Variants in LVRN observed in about 807,000 individuals in gnomAD.
LVRN encodes aminopeptidase Q.
LVRN carries 99 observed loss-of-function variants against 111.4 expected under a neutral mutation model. That is an observed-to-expected ratio of 0.89 (90% CI 0.76 to 1.05). The LOEUF is 1.05. Ranked by LOEUF, LVRN falls within the 50% of genes least tolerant of loss-of-function variation. LVRN has a pLI of 0.00. For missense variants in LVRN, 1,414 were observed against 1,206.8 expected (o/e 1.17, Z -2.54); for synonymous variants, 488 against 449.5 (o/e 1.09, Z -1.08).
intron 6 of LVRN, among the ~76,000 whole-genome samples, chr5:115,998,949 A>C (rs1432086812): frequency 6.6e-6 from 1 of 152,208 alleles, no homozygotes; most frequent in Non-Finnish European, 1.5e-5. Context: ...ACAGATTTTG[A>C]AAATCTGACG....
At chr5:115,985,051 A>T (rs917042299) in intron 3 of LVRN, among the ~76,000 whole-genome samples, 1 of 152,124 alleles carries the variant, frequency 6.6e-6, no homozygotes, top group Non-Finnish European at 1.5e-5. Flanking sequence ...TTAGTATGTG[A>T]TGTGTACTTA....
rs756610495 is a variant in LVRN at position 115,983,363 on chromosome 5, G to T, written c.772G>T (p.Ala258Ser). 6.2e-7 allele frequency: 1 copy of T among 1,611,726 alleles called. No individual in the cohort carries two copies. Among genetic ancestry groups the T allele is most frequent in the Non-Finnish European group, 8.5e-7 (1 of 1,179,240 alleles). ...TTGTTTTGATGAGCCAGCTCTGAAG[G>T]CAACTTTTAATATTACAATGATTCA... is the stretch of plus-strand genomic sequence containing the variant. ...FPCFDEPALK[A>S]TFNITMIHHP... The change falls in exon 2 of 20, where the codon GCA becomes TCA. Residue 258 changes from alanine to serine, a missense_variant. By Grantham distance (99) the Ala-to-Ser change is moderately conservative (BLOSUM62 1). Transcript: ENST00000357872.
At chr5:116,004,487 A>T (rs1387361040) in intron 12 of LVRN, among the ~76,000 whole-genome samples, 1 of 152,234 alleles carries the variant, frequency 6.6e-6, no homozygotes, top group Non-Finnish European at 1.5e-5. Context: ...TCTGAGGCAC[A>T]CAGCAATCTC....
chr5:115,986,154 A>G (rs551926877), intron 3 of LVRN, among the ~76,000 whole-genome samples: 1 of 152,358 alleles, frequency 6.6e-6, no homozygotes, highest in South Asian at 2.1e-4. Flanking sequence ...TTATCTTCCT[A>G]GGCTGTTGGC....
chr5:116,015,584 T>TG lies in LVRN; in HGVS notation c.2619-43dup, dbSNP rs374657070. On this transcript the variant is annotated intron_variant, in intron 17 of 19. Coordinates refer to ENST00000357872, the MANE Select transcript of LVRN (RefSeq NM_173800.5). ...TTTGTTTATTTAAATTAACTCTTTA[T>TG]GTTGGATGTTTAAAATGTATTTTTT... The TG allele has an allele frequency of 3.5e-4, 544 of 1,575,218 alleles. 2 individuals carry two copies. In the African/African-American group the frequency reaches 3.5e-3, roughly 10 times the overall value.
chr5:115,983,741 T>G (rs1222396099), intron 2 of LVRN, among the ~76,000 whole-genome samples: 5 of 152,196 alleles, frequency 3.3e-5, no homozygotes, highest in Admixed American at 1.3e-4. Flanking sequence ...CTGAATCTGG[T>G]GCACAGCTGT....
chr5:115,993,795 G>T lies in LVRN; in HGVS notation c.1315G>T (p.Gly439Cys). The change falls in exon 6 of 20, where the codon GGT (glycine) becomes TGT (cysteine). Residue 439 changes from glycine (G) to cysteine (C), a missense_variant. Physicochemically the swap from Gly to Cys is radical, Grantham distance 159 (BLOSUM62 -3). Coordinates refer to ENST00000357872, the MANE Select transcript of LVRN (RefSeq NM_173800.5). ...GTGGAACAATATCTGGCTCAACGAG[G>T]GTTTTGCATCTTATTTTGAGTTTGA... is the stretch of plus-strand genomic sequence containing the variant. Reference protein sequence around the residue: ...NWWNNIWLNEGFASYFEFEVI... With the variant: ...NWWNNIWLNECFASYFEFEVI... The T allele has an allele frequency of 6.2e-7, 1 of 1,609,906 alleles. No homozygotes were observed. Among genetic ancestry groups the T allele is most frequent in the Non-Finnish European group, 8.5e-7 (1 of 1,178,586 alleles).
At chr5:116,018,516 T>C (rs1402104905) in intron 18 of LVRN, among the ~76,000 whole-genome samples, 1 of 151,802 alleles carries the variant, frequency 6.6e-6, no homozygotes, top group Admixed American at 6.6e-5. Flanking sequence ...CTACTAAAAA[T>C]ACAAAAGTAG....
intron 13 of LVRN, 106 bp from the exon 14 acceptor site, chr5:116,010,635 A>C: frequency 8.5e-7 from 1 of 1,183,126 alleles, no homozygotes; most frequent in Non-Finnish European, 1.2e-6. Flanking sequence ...ACTTATTCAC[A>C]TGCCTTATTG....
In LVRN at chr5:115,983,283, T is replaced by C; in HGVS notation, c.696-4T>C. The C allele has an allele frequency of 6.4e-7, 1 of 1,571,474 alleles. No homozygotes were observed. Among genetic ancestry groups the C allele is most frequent in the Non-Finnish European group, 8.6e-7 (1 of 1,165,722 alleles). On this transcript the variant is annotated splice_region_variant and splice_polypyrimidine_tract_variant and intron_variant, in intron 1 of 19. Coordinates refer to ENST00000357872, the MANE Select transcript of LVRN (RefSeq NM_173800.5). ...AATAAAAATTTCCCCAAAATGTATT[T>C]CAGGGCCCTGTTAGCGTCCCAGCTG...
Position 115,992,174 on chromosome 5 carries a change from T to C in LVRN, c.1157T>C (p.Leu386Pro), listed in dbSNP as rs368373698. The C allele has an allele frequency of 6.2e-6, 10 of 1,613,842 alleles. No individual in the cohort carries two copies. In the African/African-American group the frequency reaches 1.3e-4, roughly 22 times the overall value. Residue 386 changes from leucine to proline, a missense_variant, in exon 5 of 20, where the codon CTA becomes CCA. Transcript: ENST00000357872. ...FDNHAMENWGLMIFDESGLLL... is the reference protein window; with the variant it reads ...FDNHAMENWGPMIFDESGLLL... ...AACCATGCAATGGAAAACTGGGGAC[T>C]AATGATATTTGATGAATCAGGATTG...
intron 19 of LVRN, among the ~76,000 whole-genome samples, chr5:116,024,597 AGT>A (rs1561572486): frequency 6.6e-6 from 1 of 152,182 alleles, no homozygotes; most frequent in South Asian, 2.1e-4. Flanking sequence ...ATCAAGACTC[AGT>A]GTGTGTTTCT....
At chr5:116,024,695 A>C (rs1748826870) in intron 19 of LVRN, among the ~76,000 whole-genome samples, 1 of 152,194 alleles carries the variant, frequency 6.6e-6, no homozygotes, top group Non-Finnish European at 1.5e-5. Flanking sequence ...TGAGGTTCGT[A>C]TAAATTTAGC....
intron 1 of LVRN, among the ~76,000 whole-genome samples, chr5:115,967,803 A>G (rs1753234108): frequency 1.3e-5 from 2 of 152,188 alleles, no homozygotes; most frequent in African/African-American, 4.8e-5. Flanking sequence ...AATCCTACAC[A>G]TTTTGTTAGA....
intron 5 of LVRN, among the ~76,000 whole-genome samples, chr5:115,992,963 A>G (rs543890643): frequency 6.6e-6 from 1 of 152,356 alleles, no homozygotes; most frequent in Non-Finnish European, 1.5e-5. Context: ...GGAAAAGAGC[A>G]GTTTACTAGG....
chr5:116,022,902 G>A (rs1748762215), intron 19 of LVRN, among the ~76,000 whole-genome samples: 1 of 152,236 alleles, frequency 6.6e-6, no homozygotes, highest in Non-Finnish European at 1.5e-5. Flanking sequence ...TCACCACTAA[G>A]TGTCAGAGAG....
intron 18 of LVRN, among the ~76,000 whole-genome samples, chr5:116,020,387 A>G (rs372959517): frequency 2.0e-5 from 3 of 152,210 alleles, no homozygotes; most frequent in Non-Finnish European, 4.4e-5. Flanking sequence ...TTCCGTTATC[A>G]TCTCTGTTAA....
Position 116,022,375 on chromosome 5 carries a change from T to C in LVRN, c.2757-16T>C, listed in dbSNP as rs373986156. ...AAATGCTTTCCACCCTTGATTAACATCTTATTGCCTTGTAGGTATGGAACA... is the reference window on the plus strand; with the variant it reads ...AAATGCTTTCCACCCTTGATTAACACCTTATTGCCTTGTAGGTATGGAACA... On this transcript the variant is annotated splice_polypyrimidine_tract_variant and intron_variant, in intron 18 of 19. Coordinates refer to ENST00000357872, the MANE Select transcript of LVRN (RefSeq NM_173800.5). 56 of 1,555,966 alleles carry C rather than the reference T, an allele frequency of 3.6e-5. No individual in the cohort carries two copies. Among genetic ancestry groups the C allele is most frequent in the Non-Finnish European group, 4.9e-5 (55 of 1,133,100 alleles).
intron 13 of LVRN, among the ~76,000 whole-genome samples, chr5:116,008,600 A>ATGAG (rs779058393): frequency 3.3e-4 from 39 of 118,154 alleles, no homozygotes; most frequent in Admixed American, 1.7e-3. Flanking sequence ...GAATACATGA[A>ATGAG]TGATTAAAAA....
Sources: gnomAD v4.1 joint callset for allele counts (sites outside exome capture counted in the v4.1 genomes callset) on GRCh38, gnomAD v4.1.1 for gene constraint, MANE v1.5 for transcripts, NCBI Gene and HGNC (gene_info 2026-07-23, HGNC 2026-07-21) for gene names.